The following SLC22A23 variants were observed in gnomAD, a reference collection of about 807,000 sequenced individuals.
The protein encoded by SLC22A23 is ion transporter protein.
In SLC22A23, 26 loss-of-function variants were observed where a neutral mutation model predicts 61.0. The ratio of observed to expected loss-of-function variants is 0.43; its 90% CI spans 0.31 to 0.59. The LOEUF (loss-of-function observed/expected upper bound fraction) is 0.59, where lower values mean the gene tolerates loss of function less well. Ranked by LOEUF, SLC22A23 falls within the 20% of genes least tolerant of loss-of-function variation. SLC22A23 has a pLI of 0.11. For synonymous variants in SLC22A23, 430 were observed against 413.9 expected (o/e 1.04, Z -0.47); for missense variants, 796 against 934.7 (o/e 0.85, Z 1.94).
rs1175327403 is a variant in SLC22A23, at chr6:3,328,441, A to G, written c.914-4439T>C. Reference sequence around the variant, plus strand: ...TAGACACTTTATGTGACGGAGGAGGAAGGCCTGAGGGAGTGGGGTGTGGGG... The same window carrying G: ...TAGACACTTTATGTGACGGAGGAGGGAGGCCTGAGGGAGTGGGGTGTGGGG... On this transcript the variant is annotated intron_variant, in intron 3 of 9. Coordinates refer to ENST00000406686, the MANE Select transcript of SLC22A23 (RefSeq NM_015482.2). The surrounding 1 kb of genome is among the most constrained non-coding windows in gnomAD (Gnocchi z 5.0). 1.3e-5 allele frequency among the ~76,000 whole-genome samples: 2 copies of G among 152,024 alleles called. No homozygotes were observed. Among genetic ancestry groups the G allele is most frequent in the Non-Finnish European group, 2.9e-5 (2 of 67,990 alleles).
chr6:3,443,176 C>T (rs564164768), intron 1 of SLC22A23, among the ~76,000 whole-genome samples: 1 of 152,332 alleles, frequency 6.6e-6, no homozygotes, highest in South Asian at 2.1e-4. Context: ...GGAAGACAGA[C>T]TGGGAAAGGC....
intron 1 of SLC22A23, among the ~76,000 whole-genome samples, chr6:3,433,821 A>G (rs1455929341): frequency 6.6e-6 from 1 of 152,212 alleles, no homozygotes. Context: ...AACCTTCCAG[A>G]ATAGGCAAAA....
chr6:3,307,101 T>C (rs1408737370), intron 4 of SLC22A23, among the ~76,000 whole-genome samples: 1 of 152,200 alleles, frequency 6.6e-6, no homozygotes, highest in Non-Finnish European at 1.5e-5. Flanking sequence ...GCCATGAACA[T>C]GCTGAGCAGA....
intron 3 of SLC22A23, among the ~76,000 whole-genome samples, chr6:3,374,247 T>C (rs1766412551): frequency 6.6e-6 from 1 of 152,258 alleles, no homozygotes; most frequent in South Asian, 2.1e-4. Flanking sequence ...TGCTGGGCTC[T>C]CAGCTATATG....
intron 1 of SLC22A23, among the ~76,000 whole-genome samples, chr6:3,444,426 C>T (rs937610152): frequency 7.2e-5 from 11 of 152,256 alleles, no homozygotes; most frequent in Admixed American, 3.9e-4. Context: ...GCTCTCTGAG[C>T]TCTGCTGCTA....
At chr6:3,383,121 A>G (rs1036278226) in intron 3 of SLC22A23, among the ~76,000 whole-genome samples, 7 of 152,252 alleles carry the variant, frequency 4.6e-5, no homozygotes, top group African/African-American at 1.7e-4. Context: ...CAGCATATTC[A>G]GACAGCAGAG....
chr6:3,273,722 A>G (rs1352909069), intron 9 of SLC22A23, among the ~76,000 whole-genome samples: 2 of 152,196 alleles, frequency 1.3e-5, no homozygotes, highest in Admixed American at 1.3e-4. Flanking sequence ...TTTGAAAGGC[A>G]GCCTTATATA....
intron 1 of SLC22A23, among the ~76,000 whole-genome samples, chr6:3,438,015 C>G (rs1315997387): frequency 6.6e-6 from 1 of 152,124 alleles, no homozygotes; most frequent in African/African-American, 2.4e-5. Context: ...TTGCATTTCA[C>G]TCCCTCTAGC....
chr6:3,370,558 C>A (rs995566598), intron 3 of SLC22A23, among the ~76,000 whole-genome samples: 6 of 152,268 alleles, frequency 3.9e-5, no homozygotes, highest in African/African-American at 1.4e-4. Context: ...TCATGCCCAG[C>A]CCCTTCAGCA....
In SLC22A23 at chr6:3,286,349, C is replaced by T. The variant is rs1275378001; in HGVS notation, c.1546+510G>A. Among the ~76,000 whole-genome samples the T allele has an allele frequency of 6.6e-6, 1 of 152,190 alleles. No individual in the cohort carries two copies. The highest frequency in any genetic ancestry group is 1.5e-5 in the Non-Finnish European group (1 of 68,042). On this transcript the variant is annotated intron_variant, in intron 7 of 9. Coordinates refer to ENST00000406686, the MANE Select transcript of SLC22A23 (RefSeq NM_015482.2). The surrounding 1 kb of genome is among the most constrained non-coding windows in gnomAD (Gnocchi z 4.2). ...ACTCCTGACCTCATGATCCGACCGCCTCAGCCTCCCAAAGTGCTGGGATTA... is the reference window on the plus strand; with the variant it reads ...ACTCCTGACCTCATGATCCGACCGCTTCAGCCTCCCAAAGTGCTGGGATTA...
At position 3,271,414 on chromosome 6, in the gene SLC22A23, C is replaced by G. The variant is rs560602469; in HGVS notation, c.*1641G>C. On this transcript the variant is annotated 3_prime_UTR_variant, in exon 10 of 10. Transcript: ENST00000406686. ...TCCAGGCCCTTACTGATGTGTGGAC[C>G]GCATGTGGAGGAGACATGAGTGGCG... 1 of 152,330 alleles carries G rather than the reference C, an allele frequency of 6.6e-6. No homozygotes were observed. Among genetic ancestry groups the G allele is most frequent in the Non-Finnish European group, 1.5e-5 (1 of 68,072 alleles). The allele number at this position is 152,330 out of a possible 1,614,324, so 9.4% of individuals were successfully genotyped here.
At chr6:3,284,033 AG>A in intron 8 of SLC22A23, 58 bp from the exon 9 acceptor site, 1 of 1,543,218 alleles carries the variant, frequency 6.5e-7, no homozygotes. Flanking sequence ...CCAGGGTGGG[AG>A]GGAGGCCTGG....
At chr6:3,310,311 A>ACCCTGTCTCCCAGGG (rs1762288663) in intron 4 of SLC22A23, among the ~76,000 whole-genome samples, 4 of 88,870 alleles carry the variant, frequency 4.5e-5, no homozygotes, top group African/African-American at 1.4e-4. Flanking sequence ...TCTCCCACTC[A>ACCCTGTCTCCCAGGG]AGCACCCTGC....
At chr6:3,419,840 G>A (rs537341043) in intron 1 of SLC22A23, among the ~76,000 whole-genome samples, 5 of 152,208 alleles carry the variant, frequency 3.3e-5, no homozygotes, top group African/African-American at 9.6e-5. Flanking sequence ...CTTGTTCTCT[G>A]GTCAAATTTC....
chr6:3,338,467 C>T (rs1328766229), intron 3 of SLC22A23, among the ~76,000 whole-genome samples: 7 of 152,240 alleles, frequency 4.6e-5, no homozygotes, highest in Admixed American at 3.9e-4. Context: ...GCTGGGACTA[C>T]AGGCGCATGC....
intron 3 of SLC22A23, among the ~76,000 whole-genome samples, chr6:3,354,056 C>T (rs1561918888): frequency 6.6e-6 from 1 of 152,210 alleles, no homozygotes; most frequent in South Asian, 2.1e-4. Flanking sequence ...TTATCTGGAC[C>T]CATAAACCTC....
At chr6:3,274,840 AAAT>A (rs1758749852) in intron 9 of SLC22A23, among the ~76,000 whole-genome samples, 1 of 152,126 alleles carries the variant, frequency 6.6e-6, no homozygotes, top group South Asian at 2.1e-4. Flanking sequence ...TAAAAGATAA[AAAT>A]AAATGGAGTG....
chr6:3,369,389 T>G lies in SLC22A23; in HGVS notation c.913+40799A>C, dbSNP rs560687784. Among the ~76,000 whole-genome samples the G allele has an allele frequency of 5.9e-5, 9 of 152,308 alleles. No individual in the cohort carries two copies. The East Asian group carries it at 1.7e-3, about 29-fold the overall frequency. On this transcript the variant is annotated intron_variant, in intron 3 of 9. Coordinates refer to ENST00000406686, the MANE Select transcript of SLC22A23 (RefSeq NM_015482.2). ...TGTTTTCTAAAAGTCCATGGATAACTGATTAGAAGTAATGGAATAGGCCGG... is the reference window on the plus strand; with the variant it reads ...TGTTTTCTAAAAGTCCATGGATAACGGATTAGAAGTAATGGAATAGGCCGG...
chr6:3,362,421 AT>A (rs1561925447), intron 3 of SLC22A23, among the ~76,000 whole-genome samples: 4,623 of 57,120 alleles, frequency 0.081, 951 homozygotes, highest in African/African-American at 0.16. Flanking sequence ...AAAAAATAAA[AT>A]AAAAAATAAA....
Sources: allele counts gnomAD v4.1 joint callset (sites outside exome capture counted in the v4.1 genomes callset), GRCh38; gene constraint gnomAD v4.1.1; non-coding constraint Gnocchi (gnomAD v3.1); transcripts MANE v1.5; gene names NCBI Gene and HGNC (gene_info 2026-07-23, HGNC 2026-07-21).